Variants in VWA8 observed in about 807,000 individuals in gnomAD.
VWA8 encodes von Willebrand factor A domain containing 8, also known as von Willebrand factor A domain-containing protein 8.
VWA8 carries 221 observed loss-of-function variants against 241.5 expected under a neutral mutation model. That is an observed-to-expected ratio of 0.91 (90% CI 0.82 to 1.02). VWA8 has a LOEUF of 1.02. VWA8 is among the 50% of genes least tolerant of loss of function. The pLI is 0.00. For missense variants in VWA8, 2,322 were observed against 2,328.7 expected, an observed-to-expected ratio of 1.00 and a Z score of 0.06; for synonymous variants, 852 against 827.1, an observed-to-expected ratio of 1.03 and a Z score of -0.52.
In VWA8 at chr13:41,701,399, T is replaced by G. The variant is rs778939401; in HGVS notation, c.3357A>C (p.Thr1119=). ...DEINIICDIA[T]SHENEQNTLY... is the part of the protein sequence containing the mutation. Reference sequence around the variant, plus strand: ...AAGAATAAGCAGACATACCATGTGATGTAGCAATGTCACAGATTATATTAA... The same window carrying G: ...AAGAATAAGCAGACATACCATGTGAGGTAGCAATGTCACAGATTATATTAA... The change falls in exon 28 of 45, where the codon ACA becomes ACC. Residue 1119 remains threonine (T), a synonymous_variant. Transcript: ENST00000379310. 6.2e-7 allele frequency: 1 copy of G among 1,600,800 alleles called. No homozygotes were observed. Among genetic ancestry groups the G allele is most frequent in the South Asian group, 1.1e-5 (1 of 87,686 alleles).
At position 41,851,231 on chromosome 13, in the gene VWA8, G is replaced by A. The variant is rs572875629; in HGVS notation, c.1425+14505C>T. The stretch of plus-strand genomic sequence containing the variant: ...TATTCTCTGCAGAGTCAGGCACCAG[G>A]CCAGTCCACCTAAGGACTCCAGCAG... On this transcript the variant is annotated intron_variant, in intron 12 of 44. Transcript: ENST00000379310. 7.9e-5 allele frequency among the ~76,000 whole-genome samples: 12 copies of A among 152,168 alleles called. No individual in the cohort carries two copies. The South Asian group carries it at 1.7e-3, about 21-fold the overall frequency.
intron 12 of VWA8, among the ~76,000 whole-genome samples, chr13:41,843,283 G>C (rs1208774884): frequency 6.6e-6 from 1 of 152,102 alleles, no homozygotes; most frequent in Non-Finnish European, 1.5e-5. Context: ...AAACTTTGTT[G>C]CATTTTATCA....
intron 2 of VWA8, among the ~76,000 whole-genome samples, chr13:41,947,947 AAAAAAACAAAACAAAAC>A (rs889307898): frequency 6.7e-6 from 1 of 148,956 alleles, no homozygotes; most frequent in African/African-American, 2.5e-5. Flanking sequence ...AAAAAAAAAA[AAAAAAACAAAACAAAAC>A]ATTTTGGTAA....
intron 17 of VWA8, among the ~76,000 whole-genome samples, chr13:41,809,688 C>T (rs1414804474): frequency 6.6e-6 from 1 of 152,072 alleles, no homozygotes; most frequent in Non-Finnish European, 1.5e-5. Context: ...AGACATTGGT[C>T]AGGACAAATA....
At chr13:41,858,215 T>C (rs1465452573) in intron 12 of VWA8, among the ~76,000 whole-genome samples, 5 of 152,210 alleles carry the variant, frequency 3.3e-5, no homozygotes, top group Non-Finnish European at 7.3e-5. Context: ...TCCTAACTAA[T>C]ACAGACACTA....
chr13:41,848,792 T>C (rs1403218698), intron 12 of VWA8, among the ~76,000 whole-genome samples: 1 of 152,228 alleles, frequency 6.6e-6, no homozygotes, highest in African/African-American at 2.4e-5. Context: ...TGTGATAGCA[T>C]AGTGACTATC....
intron 14 of VWA8, among the ~76,000 whole-genome samples, chr13:41,829,649 C>G (rs996649300): frequency 2.6e-5 from 4 of 151,928 alleles, no homozygotes; most frequent in African/African-American, 4.8e-5. Flanking sequence ...TTGGATGGAG[C>G]TGGAGGCCAT....
intron 35 of VWA8, among the ~76,000 whole-genome samples, chr13:41,676,866 C>G (rs1036129968): frequency 2.0e-5 from 3 of 152,052 alleles, no homozygotes; most frequent in Non-Finnish European, 2.9e-5. Context: ...CTCCTGACCC[C>G]AAGTGATCTG....
intron 42 of VWA8, among the ~76,000 whole-genome samples, chr13:41,578,126 T>C (rs560388765): frequency 6.6e-6 from 1 of 152,350 alleles, no homozygotes; most frequent in East Asian, 1.9e-4. Flanking sequence ...GACTGTATGC[T>C]TCTTTTTCTT....
chr13:41,871,362 A>T (rs1329960084), intron 9 of VWA8, among the ~76,000 whole-genome samples: 1 of 152,092 alleles, frequency 6.6e-6, no homozygotes, highest in African/African-American at 2.4e-5. Flanking sequence ...TGTGCAGGTT[A>T]GTTACATATG....
chr13:41,606,206 G>C (rs376806495), intron 39 of VWA8, among the ~76,000 whole-genome samples: 14 of 152,058 alleles, frequency 9.2e-5, no homozygotes, highest in African/African-American at 2.9e-4. Context: ...CCCCAACTAG[G>C]CTCTATACTC....
intron 2 of VWA8, among the ~76,000 whole-genome samples, chr13:41,928,829 T>C (rs1289381405): frequency 6.6e-6 from 1 of 150,892 alleles, no homozygotes; most frequent in East Asian, 1.9e-4. Context: ...CTTCAGCTTG[T>C]TTAAGGGAAA....
chr13:41,863,978 T>C (rs1364402413), intron 12 of VWA8, among the ~76,000 whole-genome samples: 2 of 151,722 alleles, frequency 1.3e-5, no homozygotes, highest in Non-Finnish European at 2.9e-5. Flanking sequence ...AAAAAATAAA[T>C]AAGACAGACA....
At chr13:41,900,977 T>C (rs955145593) in intron 4 of VWA8, among the ~76,000 whole-genome samples, 1 of 152,226 alleles carries the variant, frequency 6.6e-6, no homozygotes, top group Non-Finnish European at 1.5e-5. Context: ...AGGCTCATTT[T>C]GGTGCTTATC....
At chr13:41,912,560 A>G (rs1487352223) in intron 2 of VWA8, among the ~76,000 whole-genome samples, 1 of 152,144 alleles carries the variant, frequency 6.6e-6, no homozygotes, top group African/African-American at 2.4e-5. Flanking sequence ...ATTAATCACA[A>G]TTTTATAGTC....
chr13:41,731,615 G>A (rs776757756), intron 22 of VWA8, among the ~76,000 whole-genome samples: 1 of 152,122 alleles, frequency 6.6e-6, no homozygotes, highest in Non-Finnish European at 1.5e-5. Flanking sequence ...AGGCTGAAAC[G>A]TATTAGAATC....
chr13:41,769,382 C>CA (rs1180946655), intron 20 of VWA8, among the ~76,000 whole-genome samples: 1 of 151,898 alleles, frequency 6.6e-6, no homozygotes, highest in Admixed American at 6.5e-5. Context: ...AGATGACATA[C>CA]AAAAAAGTGT....
intron 9 of VWA8, among the ~76,000 whole-genome samples, chr13:41,883,170 C>A (rs1258568239): frequency 6.6e-6 from 1 of 152,130 alleles, no homozygotes; most frequent in East Asian, 1.9e-4. Context: ...ATCACACCAG[C>A]CCCTGTGTGT....
chr13:41,647,397 T>C (rs2044838775), intron 37 of VWA8, among the ~76,000 whole-genome samples: 2 of 152,220 alleles, frequency 1.3e-5, no homozygotes, highest in Admixed American at 6.5e-5. Flanking sequence ...AGAGCATATC[T>C]ACAAACAAAT....
Sources: gnomAD v4.1 joint callset for allele counts (sites outside exome capture counted in the v4.1 genomes callset) on GRCh38, gnomAD v4.1.1 for gene constraint, MANE v1.5 for transcripts, NCBI Gene and HGNC (gene_info 2026-07-23, HGNC 2026-07-21) for gene names.